Variants in PIGU observed in about 807,000 individuals in gnomAD.
PIGU encodes the protein phosphatidylinositol glycan anchor biosynthesis class U.
Under a neutral mutation model 49.9 loss-of-function variants are expected in PIGU, and 24 were observed. The ratio of observed to expected loss-of-function variants is 0.48; its 90% CI spans 0.35 to 0.68. The LOEUF is 0.68. PIGU is among the 30% of genes least tolerant of loss of function. The pLI, the probability that PIGU is intolerant of heterozygous loss-of-function variation, is 0.01. For synonymous variants in PIGU, 220 were observed against 205.7 expected (o/e 1.07, Z -0.59); for missense variants, 490 against 532.6 (o/e 0.92, Z 0.79).
chr20:34,624,730 C>T (rs894483876), intron 6 of PIGU, among the ~76,000 whole-genome samples: 2 of 152,178 alleles, frequency 1.3e-5, no homozygotes, highest in Non-Finnish European at 2.9e-5. Flanking sequence ...GCCTTCAAAG[C>T]GAAACTTAAG....
chr20:34,586,190 G>A (rs1018503182), intron 8 of PIGU, among the ~76,000 whole-genome samples: 1 of 152,098 alleles, frequency 6.6e-6, no homozygotes, highest in Non-Finnish European at 1.5e-5. Context: ...TGCAATTCTG[G>A]CTCTCCTAAA....
intron 1 of PIGU, among the ~76,000 whole-genome samples, chr20:34,674,165 A>G (rs1310157292): frequency 6.6e-6 from 1 of 151,976 alleles, no homozygotes; most frequent in Non-Finnish European, 1.5e-5. Context: ...AGACCAGACT[A>G]GCCAACATGG....
intron 1 of PIGU, among the ~76,000 whole-genome samples, chr20:34,658,409 C>A (rs1435688724): frequency 6.6e-6 from 1 of 152,138 alleles, no homozygotes; most frequent in African/African-American, 2.4e-5. Context: ...TCTGCCCGGC[C>A]GCCACCCCGT....
rs560413023 is a variant in PIGU at position 34,630,704 on chromosome 20, T to C, written c.529+3911A>G. Among the ~76,000 whole-genome samples the C allele has an allele frequency of 2.6e-5, 4 of 152,268 alleles. No individual in the cohort carries two copies. In the East Asian group the frequency reaches 5.8e-4, roughly 22 times the overall value. On this transcript the variant is annotated intron_variant, in intron 6 of 11. Coordinates refer to ENST00000217446, the MANE Select transcript of PIGU (RefSeq NM_080476.5). ...GGCTGTCACCCAAGCTGGAGTACAG[T>C]GGCACAATCATAGCTCACTGCAGCC...
intron 7 of PIGU, among the ~76,000 whole-genome samples, chr20:34,612,619 CT>C (rs1220427781): frequency 1.2e-3 from 173 of 139,772 alleles, no homozygotes; most frequent in Middle Eastern, 7.3e-3. Context: ...CTTTCCTTTT[CT>C]TTTTTTTTTT....
chr20:34,599,190 T>G (rs538654315), intron 7 of PIGU, among the ~76,000 whole-genome samples: 1 of 152,260 alleles, frequency 6.6e-6, no homozygotes, highest in Non-Finnish European at 1.5e-5. Context: ...CAGTGGGCCA[T>G]GCCTGTAATC....
intron 11 of PIGU, among the ~76,000 whole-genome samples, chr20:34,569,917 A>G (rs1982934866): frequency 6.6e-6 from 1 of 152,182 alleles, no homozygotes; most frequent in Non-Finnish European, 1.5e-5. Context: ...GACAAACAAG[A>G]CTGTGGATAA....
At chr20:34,624,805 G>A (rs190691546) in intron 6 of PIGU, among the ~76,000 whole-genome samples, 41 of 152,256 alleles carry the variant, frequency 2.7e-4, no homozygotes, top group African/African-American at 9.4e-4. Flanking sequence ...ACTACAATAA[G>A]GACATCACAA....
At chr20:34,638,859 G>T (rs957249722) in intron 4 of PIGU, among the ~76,000 whole-genome samples, 9 of 152,080 alleles carry the variant, frequency 5.9e-5, no homozygotes, top group Non-Finnish European at 2.9e-5. Flanking sequence ...AGCAAACATG[G>T]GTCAGAATAT....
intron 7 of PIGU, among the ~76,000 whole-genome samples, chr20:34,593,995 A>T (rs1401214302): frequency 6.6e-6 from 1 of 152,076 alleles, no homozygotes; most frequent in Non-Finnish European, 1.5e-5. Context: ...TGGGCAACAT[A>T]GAGAAACCCT....
At chr20:34,668,859 T>C (rs2146796795) in intron 1 of PIGU, among the ~76,000 whole-genome samples, 1 of 135,086 alleles carries the variant, frequency 7.4e-6, no homozygotes, top group East Asian at 2.2e-4. Context: ...AGTGAAAAAA[T>C]GGTAAAACTT....
intron 7 of PIGU, among the ~76,000 whole-genome samples, chr20:34,589,357 C>T (rs895182202): frequency 6.6e-6 from 1 of 152,170 alleles, no homozygotes; most frequent in Non-Finnish European, 1.5e-5. Flanking sequence ...TCAACTTTAT[C>T]TGCTTTCCTT....
At chr20:34,566,379 G>A (rs997104141) in intron 11 of PIGU, among the ~76,000 whole-genome samples, 3 of 152,210 alleles carry the variant, frequency 2.0e-5, no homozygotes, top group African/African-American at 7.2e-5. Flanking sequence ...CCCCAGGGAC[G>A]GCTCGGTCCA....
At chr20:34,661,227 G>A (rs1383926056) in intron 1 of PIGU, among the ~76,000 whole-genome samples, 1 of 151,906 alleles carries the variant, frequency 6.6e-6, no homozygotes, top group Non-Finnish European at 1.5e-5. Flanking sequence ...AATTTTCTGG[G>A]GGTTGAGGGG....
intron 11 of PIGU, among the ~76,000 whole-genome samples, chr20:34,565,240 G>C (rs1982694990): frequency 6.8e-6 from 1 of 146,920 alleles, no homozygotes. Context: ...GCTCTAGCTT[G>C]TTACCAACAA....
At chr20:34,579,271 T>C (rs4911157) in intron 10 of PIGU, 129,075 of 152,140 alleles carry the variant, frequency 0.85, 54,961 homozygotes, top group Admixed American at 0.92. Context: ...CTGGCATGGG[T>C]TCTGCCAGCA....
At chr20:34,596,748 T>C (rs1028782111) in intron 7 of PIGU, among the ~76,000 whole-genome samples, 4 of 152,236 alleles carry the variant, frequency 2.6e-5, no homozygotes, top group Admixed American at 2.0e-4. Context: ...TTCAAATCGT[T>C]TACATAGTTA....
intron 1 of PIGU, among the ~76,000 whole-genome samples, chr20:34,662,294 A>C (rs920860958): frequency 6.6e-6 from 1 of 152,006 alleles, no homozygotes; most frequent in Non-Finnish European, 1.5e-5. Flanking sequence ...GCTGGTCTCA[A>C]ACTCCTGGGC....
At position 34,631,498 on chromosome 20, in the gene PIGU, A is replaced by G. The variant is rs1256101660; in HGVS notation, c.529+3117T>C. ...AATTTAAAAAGACGCATGTCCAGAC[A>G]TAGCATCATAAAATTTCAAAACGCT... On this transcript the variant is annotated intron_variant, in intron 6 of 11. Coordinates refer to ENST00000217446, the MANE Select transcript of PIGU (RefSeq NM_080476.5). 2.6e-5 allele frequency among the ~76,000 whole-genome samples: 4 copies of G among 151,032 alleles called. No homozygotes were observed. In the East Asian group the frequency reaches 7.7e-4, roughly 29 times the overall value.
Sources: allele counts gnomAD v4.1 joint callset (sites outside exome capture counted in the v4.1 genomes callset), GRCh38; gene constraint gnomAD v4.1.1; transcripts MANE v1.5; gene names NCBI Gene and HGNC (gene_info 2026-07-23, HGNC 2026-07-21).